The following ARID4B variants were observed in gnomAD, a reference collection of about 807,000 sequenced individuals.
The protein encoded by ARID4B is AT-rich interaction domain 4B, also known as AT-rich interactive domain-containing protein 4B.
Under a neutral mutation model 147.5 loss-of-function variants are expected in ARID4B, and 26 were observed. That is an observed-to-expected ratio of 0.18 (90% CI 0.13 to 0.24). ARID4B has a LOEUF of 0.24. Ranked by LOEUF, ARID4B falls within the 10% of genes least tolerant of loss-of-function variation. ARID4B has a pLI of 1.00. For synonymous variants in ARID4B, 512 were observed against 507.9 expected (o/e 1.01, Z -0.11); for missense variants, 1,179 against 1,511.5 (o/e 0.78, Z 3.65).
chr1:235,322,831 G>C (rs754827595), intron 2 of ARID4B, among the ~76,000 whole-genome samples: 8 of 151,750 alleles, frequency 5.3e-5, no homozygotes, highest in Admixed American at 6.6e-5. Context: ...GAACAGAGAG[G>C]GGGGAACGAA....
At chr1:235,226,832 C>G (rs1267820640) in intron 11 of ARID4B, among the ~76,000 whole-genome samples, 1 of 151,838 alleles carries the variant, frequency 6.6e-6, no homozygotes, top group Admixed American at 6.6e-5. Context: ...CCACACCCAG[C>G]TAATTTTTGT....
chr1:235,174,145 T>G (rs1272144031), intron 22 of ARID4B, among the ~76,000 whole-genome samples: 12 of 151,866 alleles, frequency 7.9e-5, no homozygotes, highest in African/African-American at 2.9e-4. Context: ...GTGCAAGCAA[T>G]TCTCCTGCCT....
intron 8 of ARID4B, among the ~76,000 whole-genome samples, chr1:235,238,153 A>AAAAAAAAAAAAAAG (rs61179792): frequency 7.1e-6 from 1 of 141,762 alleles, no homozygotes; most frequent in African/African-American, 2.8e-5. Flanking sequence ...CAAAAAAAAA[A>AAAAAAAAAAAAAAG]AAAAGAAAAG....
At chr1:235,247,054 T>A (rs1469242559) in intron 6 of ARID4B, among the ~76,000 whole-genome samples, 1 of 152,192 alleles carries the variant, frequency 6.6e-6, no homozygotes, top group Non-Finnish European at 1.5e-5. Context: ...AATGTAACAT[T>A]AATTTAATTT....
chr1:235,315,770 T>C (rs2103290590), intron 2 of ARID4B, among the ~76,000 whole-genome samples: 1 of 152,330 alleles, frequency 6.6e-6, no homozygotes, highest in East Asian at 1.9e-4. Context: ...GCTAAGCATA[T>C]CTGGTTATTC....
At chr1:235,219,426 T>C (rs1428626278) in intron 16 of ARID4B, among the ~76,000 whole-genome samples, 3 of 152,200 alleles carry the variant, frequency 2.0e-5, no homozygotes, top group Non-Finnish European at 4.4e-5. Flanking sequence ...ACTCTTGCTT[T>C]TGCTTAAGAA....
chr1:235,236,862 A>ATATATATATATATATATTTATTTTTTTTT, intron 8 of ARID4B, among the ~76,000 whole-genome samples: 1 of 17,492 alleles, frequency 5.7e-5, no homozygotes. Flanking sequence ...ATATATATAT[A>ATATATATATATATATATTTATTTTTTTTT]TTTTTTTTTT....
chr1:235,323,283 C>T (rs1674978054), intron 2 of ARID4B, among the ~76,000 whole-genome samples: 1 of 151,822 alleles, frequency 6.6e-6, no homozygotes, highest in South Asian at 2.1e-4. Flanking sequence ...TCAAGTAATC[C>T]ACCCACCTCA....
At chr1:235,279,862 G>A (rs1468372957) in intron 2 of ARID4B, among the ~76,000 whole-genome samples, 1 of 152,214 alleles carries the variant, frequency 6.6e-6, no homozygotes, top group African/African-American at 2.4e-5. Context: ...TTCCCGGGTT[G>A]TAACATTTCA....
chr1:235,266,283 C>A, intron 2 of ARID4B, among the ~76,000 whole-genome samples: 1 of 152,136 alleles, frequency 6.6e-6, no homozygotes. Context: ...TTTTGACCAA[C>A]ACCAACCCTG....
chr1:235,181,763 A>T lies in ARID4B; in HGVS notation c.3156T>A (p.Ala1052=), dbSNP rs368780044. The change falls in exon 20 of 24, where the codon GCT becomes GCA. Residue 1052 remains alanine, a synonymous_variant. Transcript: ENST00000264183. The part of the protein sequence containing the change: ...QSSVTVSEPL[A]PNQEEVRSIK... ...TACTTCGAACCTCTTCTTGGTTTGGAGCCAGTGGTTCTGATACTGTTACAG... is the reference window on the plus strand; with the variant it reads ...TACTTCGAACCTCTTCTTGGTTTGGTGCCAGTGGTTCTGATACTGTTACAG... The T allele has an allele frequency of 2.8e-5, 45 of 1,613,986 alleles. No homozygotes were observed. In the African/African-American group the frequency reaches 5.5e-4, roughly 20 times the overall value.
chr1:235,308,121 C>T (rs1160908130), intron 2 of ARID4B, among the ~76,000 whole-genome samples: 2 of 55,174 alleles, frequency 3.6e-5, no homozygotes, highest in African/African-American at 9.4e-5. Flanking sequence ...GGGACAGAGT[C>T]TTGCATCTTG....
At chr1:235,306,364 G>A (rs1347856089) in intron 2 of ARID4B, among the ~76,000 whole-genome samples, 2 of 151,896 alleles carry the variant, frequency 1.3e-5, no homozygotes, top group African/African-American at 4.8e-5. Flanking sequence ...TTAGCCAGGC[G>A]TGGTGGCACA....
At chr1:235,254,952 C>T (rs1044080314) in intron 5 of ARID4B, among the ~76,000 whole-genome samples, 1 of 151,812 alleles carries the variant, frequency 6.6e-6, no homozygotes, top group South Asian at 2.1e-4. Context: ...ATTGAGAAAA[C>T]AGACAGTGTC....
At chr1:235,225,283 C>T (rs1439752184) in intron 11 of ARID4B, among the ~76,000 whole-genome samples, 1 of 152,156 alleles carries the variant, frequency 6.6e-6, no homozygotes, top group Non-Finnish European at 1.5e-5. Flanking sequence ...TTCAAGCTTA[C>T]ATAATCAGTA....
chr1:235,232,122 T>TA (rs1330444691), intron 9 of ARID4B, among the ~76,000 whole-genome samples: 1 of 151,914 alleles, frequency 6.6e-6, no homozygotes, highest in Non-Finnish European at 1.5e-5. Context: ...TCCCATCTCT[T>TA]AAAAAATAAA....
chr1:235,237,774 G>T (rs1332298815), intron 8 of ARID4B, among the ~76,000 whole-genome samples: 1 of 152,168 alleles, frequency 6.6e-6, no homozygotes, highest in Non-Finnish European at 1.5e-5. Flanking sequence ...CTAAGTCTCT[G>T]CAATTGTTAG....
intron 2 of ARID4B, among the ~76,000 whole-genome samples, chr1:235,294,807 C>T (rs1000725227): frequency 6.6e-6 from 1 of 151,514 alleles, no homozygotes; most frequent in African/African-American, 2.4e-5. Flanking sequence ...AGCCACCGTG[C>T]CCAGCCATAT....
intron 17 of ARID4B, among the ~76,000 whole-genome samples, chr1:235,205,079 A>G (rs1270382012): frequency 1.3e-5 from 2 of 152,186 alleles, no homozygotes; most frequent in African/African-American, 2.4e-5. Flanking sequence ...AACGCAGACA[A>G]CTTCCCAGGG....
Sources: allele counts gnomAD v4.1 joint callset (sites outside exome capture counted in the v4.1 genomes callset), GRCh38; gene constraint gnomAD v4.1.1; transcripts MANE v1.5; gene names NCBI Gene and HGNC (gene_info 2026-07-23, HGNC 2026-07-21).